Variants in CCND3 observed in about 807,000 individuals in gnomAD.
The protein encoded by CCND3 is G1/S-specific cyclin-D3.
Under a neutral mutation model 28.7 loss-of-function variants are expected in CCND3, and 9 were observed. The observed-to-expected ratio is 0.31, with a 90% confidence interval of 0.19 to 0.55. The LOEUF is 0.55. Ranked by LOEUF, CCND3 falls within the 20% of genes least tolerant of loss-of-function variation. The probability of loss-of-function intolerance (pLI) is 0.93; values close to 1 mark genes in which losing one functional copy is unlikely to be tolerated. For missense variants in CCND3, 315 were observed against 385.8 expected (o/e 0.82, Z 1.54); for synonymous variants, 164 against 163.9 (o/e 1.00, Z 0.00).
At chr6:42,034,183 T>C (rs1764129003) in intron 1 of CCND3, among the ~76,000 whole-genome samples, 1 of 151,084 alleles carries the variant, frequency 6.6e-6, no homozygotes. Context: ...GCCTCGCTCT[T>C]GTTGCCCAGG....
In CCND3 at chr6:41,940,889, G is replaced by T; in HGVS notation, c.199-304C>A. 3.4e-6 allele frequency: 5 copies of T among 1,461,552 alleles called. No individual in the cohort carries two copies. In the South Asian group the frequency reaches 5.7e-5, roughly 17 times the overall value. 90.5% of individuals were successfully genotyped at this position (1,461,552 alleles called of 1,614,324 possible). ...CACAGCGAGGGGAAGTGGGACGCAA[G>T]GGTCACCCATGGTAGCCAGAGAGCT... On this transcript the variant is annotated intron_variant, in intron 1 of 4. Coordinates refer to ENST00000372991, the MANE Select transcript of CCND3 (RefSeq NM_001760.5).
chr6:41,998,441 C>T (rs1173332446), intron 1 of CCND3, among the ~76,000 whole-genome samples: 12 of 150,842 alleles, frequency 8.0e-5, no homozygotes, highest in Non-Finnish European at 1.6e-4. Flanking sequence ...CTCCACCTCC[C>T]GGGTTCAAGT....
At chr6:42,023,979 C>T (rs1417312391) in intron 1 of CCND3, among the ~76,000 whole-genome samples, 1 of 152,146 alleles carries the variant, frequency 6.6e-6, no homozygotes, top group Non-Finnish European at 1.5e-5. Context: ...TAGGGCCAGG[C>T]ACTGTTCTGA....
chr6:41,967,860 A>G (rs1048787622), intron 1 of CCND3, among the ~76,000 whole-genome samples: 5 of 152,218 alleles, frequency 3.3e-5, no homozygotes, highest in African/African-American at 1.2e-4. Flanking sequence ...ACTAATGTCC[A>G]CATCCTTCAA....
chr6:41,989,912 C>CT (rs1762601967), intron 1 of CCND3, among the ~76,000 whole-genome samples: 1 of 152,096 alleles, frequency 6.6e-6, no homozygotes, highest in Non-Finnish European at 1.5e-5. Flanking sequence ...TGTCAAAACT[C>CT]TGAGGCCCAA....
chr6:42,025,857 C>G (rs1252625297), intron 1 of CCND3, among the ~76,000 whole-genome samples: 1 of 152,170 alleles, frequency 6.6e-6, no homozygotes, highest in African/African-American at 2.4e-5. Context: ...TCCTTTTTCA[C>G]ACACACGGAA....
At chr6:42,028,796 G>A (rs942569212) in intron 1 of CCND3, among the ~76,000 whole-genome samples, 12 of 152,190 alleles carry the variant, frequency 7.9e-5, no homozygotes, top group African/African-American at 2.9e-4. Flanking sequence ...ATGAGATTAT[G>A]CGTGGTAAGC....
intron 1 of CCND3, among the ~76,000 whole-genome samples, chr6:41,960,559 G>A (rs891751215): frequency 8.5e-5 from 13 of 152,290 alleles, no homozygotes; most frequent in Admixed American, 5.9e-4. Flanking sequence ...GTGTGTGACC[G>A]GGGGAAATTA....
chr6:41,972,183 G>T (rs1229033621), intron 1 of CCND3, among the ~76,000 whole-genome samples: 1 of 139,676 alleles, frequency 7.2e-6, no homozygotes, highest in African/African-American at 2.7e-5. Flanking sequence ...AGCCAAGATC[G>T]CGCCACTGCA....
chr6:41,993,960 A>G lies in CCND3; in HGVS notation c.-45-53375T>C, dbSNP rs781332855. 2.6e-4 allele frequency among the ~76,000 whole-genome samples: 28 copies of G among 108,110 alleles called. 4 individuals are homozygous for G. The highest frequency in any genetic ancestry group is 6.0e-4 in the South Asian group (2 of 3,318). The allele number at this position is 108,110 out of a possible 152,430, so 70.9% of individuals were successfully genotyped here. ...AAAAAAAAAAAAAAAAAAAAAAAAA[A>G]AAGAGCTATCAAGCCATGAAAAGAC... On this transcript the variant is annotated intron_variant, in intron 1 of 4. Coordinates refer to the CCND3 transcript ENST00000372988.
At chr6:41,963,768 T>A (rs1286113904) in intron 1 of CCND3, among the ~76,000 whole-genome samples, 1 of 152,224 alleles carries the variant, frequency 6.6e-6, no homozygotes, top group Non-Finnish European at 1.5e-5. Context: ...TGACTCTGGA[T>A]AACTTACCTG....
At chr6:41,975,653 G>C (rs555412581) in intron 1 of CCND3, among the ~76,000 whole-genome samples, 4 of 152,202 alleles carry the variant, frequency 2.6e-5, no homozygotes, top group African/African-American at 9.6e-5. Context: ...GCAGCCAAAG[G>C]GTTCCAGGGA....
In CCND3 at chr6:41,964,515, A is replaced by T. The variant is rs116670646; in HGVS notation, c.-45-23930T>A. 7.6e-3 allele frequency among the ~76,000 whole-genome samples: 1,131 copies of T among 149,774 alleles called. 11 individuals are homozygous for T. Among genetic ancestry groups the T allele is most frequent in the Middle Eastern group, 0.014 (4 of 292 alleles). ...GTGTGTGTGAGTGTGTGTGTGTGTG[A>T]GTGTGTATGTGTGTGCATGCACATG... On this transcript the variant is annotated intron_variant, in intron 1 of 4. Coordinates refer to the CCND3 transcript ENST00000372988.
rs891169952 is a variant in CCND3, at chr6:41,966,217, A to C, written c.-45-25632T>G. ...GTCCTGATCACCTGGTAAGCTTGTT[A>C]ATTCTGATGGCCACCTTCTGGGCAA... is the stretch of plus-strand genomic sequence containing the variant. On this transcript the variant is annotated intron_variant, in intron 1 of 4. Coordinates refer to the CCND3 transcript ENST00000372988. Among the ~76,000 whole-genome samples the C allele has an allele frequency of 2.6e-5, 4 of 152,278 alleles. No homozygotes were observed. The South Asian group carries it at 8.3e-4, about 32-fold the overall frequency.
intron 1 of CCND3, among the ~76,000 whole-genome samples, chr6:42,011,827 G>A (rs12528337): frequency 0.049 from 7,530 of 152,194 alleles, 331 homozygotes; most frequent in Admixed American, 0.14. Flanking sequence ...GCTCACCGGT[G>A]CTGAGCTCCC....
chr6:41,936,306 C>T lies in CCND3; in HGVS notation c.712-199G>A, dbSNP rs956774949. 13 of 670,876 alleles carry T rather than the reference C, an allele frequency of 1.9e-5. No individual in the cohort carries two copies. The East Asian group carries it at 2.2e-4, about 11-fold the overall frequency. 41.6% of individuals were successfully genotyped at this position (670,876 alleles called of 1,614,324 possible). A position where few individuals can be genotyped will look rare whatever the true frequency, so the allele number is the denominator to read the frequency against. On this transcript the variant is annotated intron_variant, in intron 4 of 4. Transcript: ENST00000372991. This position sits in a 1 kb window ranked among gnomAD's most constrained non-coding sequence, Gnocchi z 4.4. ...AGTGTGAGAGCAGCCCTGCATCTGA[C>T]ACCAAACCCCCCACCCCCACTCCAG...
chr6:41,954,551 CAAAA>C (rs34116961), intron 1 of CCND3, among the ~76,000 whole-genome samples: 1 of 122,610 alleles, frequency 8.2e-6, no homozygotes, highest in Non-Finnish European at 1.7e-5. Flanking sequence ...GACTCTGTCT[CAAAA>C]AAAAAAAAAA....
rs1775787187 is a variant in CCND3 at position 41,936,151 on chromosome 6, A to G, written c.712-44T>C. 2 of 1,524,244 alleles carry G rather than the reference A, an allele frequency of 1.3e-6. No individual in the cohort carries two copies. Among genetic ancestry groups the G allele is most frequent in the Admixed American group, 2.1e-5 (1 of 47,776 alleles). The allele number at this position is 1,524,244 out of a possible 1,614,324, so 94.4% of individuals were successfully genotyped here. On this transcript the variant is annotated intron_variant, in intron 4 of 4. Coordinates refer to ENST00000372991, the MANE Select transcript of CCND3 (RefSeq NM_001760.5). The surrounding 1 kb of genome is among the most constrained non-coding windows in gnomAD (Gnocchi z 4.4). Reference sequence around the variant, plus strand: ...AGTGAGGAGCAAACACTCCCCCCATAGCATCTGGCAGCAGGTGCAGGGGAA... The same window carrying G: ...AGTGAGGAGCAAACACTCCCCCCATGGCATCTGGCAGCAGGTGCAGGGGAA...
At chr6:41,972,993 G>A (rs896336467) in intron 1 of CCND3, among the ~76,000 whole-genome samples, 4 of 152,066 alleles carry the variant, frequency 2.6e-5, no homozygotes, top group African/African-American at 9.7e-5. Flanking sequence ...GGCTAAGCTG[G>A]GGAAGAGAAC....
Sources: allele counts gnomAD v4.1 joint callset (sites outside exome capture counted in the v4.1 genomes callset), GRCh38; gene constraint gnomAD v4.1.1; non-coding constraint Gnocchi (gnomAD v3.1); transcripts MANE v1.5; gene names NCBI Gene and HGNC (gene_info 2026-07-23, HGNC 2026-07-21).